Variants in NUMA1 observed in about 807,000 individuals in gnomAD.
NUMA1 encodes the protein nuclear mitotic apparatus protein 1, also known as SP-H antigen.
A neutral mutation model predicts 237.1 loss-of-function variants in NUMA1; 62 were observed. The observed-to-expected ratio is 0.26, with a 90% CI of 0.21 to 0.32. NUMA1 has a LOEUF of 0.32. Among genes scored for constraint, NUMA1 ranks in the 10% least tolerant of loss-of-function variants. The probability of loss-of-function intolerance (pLI) is 1.00; values close to 1 mark genes in which losing one functional copy is unlikely to be tolerated. For missense variants in NUMA1, 2,533 were observed against 2,666.5 expected (o/e 0.95, Z 1.10); for synonymous variants, 1,028 against 1,066.1 (o/e 0.96, Z 0.70).
chr11:72,019,540 G>C lies in NUMA1; in HGVS notation c.538C>G (p.Arg180Gly). 2.5e-6 allele frequency: 4 copies of C among 1,613,924 alleles called. No homozygotes were observed. The highest frequency in any genetic ancestry group is 1.7e-5 in the Admixed American group (1 of 60,014). ...PPSHQAKREI[R>G]FLELQKVASS... ...GCAACCTTCTGTAGCTCTAGGAAGC[G>C]AATCTCCCTCTTGGCCTGGTGGCTA... is the stretch of plus-strand genomic sequence containing the variant. The change falls in exon 9 of 27, where the codon CGC (arginine) becomes GGC (glycine). Residue 180 changes from arginine to glycine, a missense_variant. By Grantham distance (125) the Arg-to-Gly change is moderately radical (BLOSUM62 -2). Transcript: ENST00000393695.
rs776029655 is a variant in NUMA1 at position 72,006,294 on chromosome 11, A to G, written c.5464-31T>C. ...AGACAGAGTGAATCTGTTGCAGTGTACAGTCCCTGGCACTGTACAGAAGCT... is the reference window on the plus strand; with the variant it reads ...AGACAGAGTGAATCTGTTGCAGTGTGCAGTCCCTGGCACTGTACAGAAGCT... On this transcript the variant is annotated intron_variant, in intron 21 of 26. Transcript: ENST00000393695. The G allele has an allele frequency of 7.5e-6, 12 of 1,592,702 alleles. No homozygotes were observed. The South Asian group carries it at 1.3e-4, about 18-fold the overall frequency.
chr11:72,048,410 C>T (rs780844466), intron 2 of NUMA1, among the ~76,000 whole-genome samples: 1 of 152,076 alleles, frequency 6.6e-6, no homozygotes, highest in African/African-American at 2.4e-5. Context: ...TTTGCTTTGT[C>T]GCCCAGGCTG....
At chr11:72,026,975 C>T (rs1453933685) in intron 4 of NUMA1, among the ~76,000 whole-genome samples, 1 of 152,190 alleles carries the variant, frequency 6.6e-6, no homozygotes, top group Non-Finnish European at 1.5e-5. Flanking sequence ...GTTCAGGCAA[C>T]ACCCTAGAAG....
intron 24 of NUMA1, 40 bp from the exon 25 acceptor site, chr11:72,004,381 G>T (rs780122311): frequency 1.9e-6 from 3 of 1,561,270 alleles, no homozygotes; most frequent in Admixed American, 3.5e-5. Context: ...GTAGCAAGAG[G>T]AGTCACATCT....
rs1956114181 is a variant in NUMA1, at chr11:72,010,890, G to A, written c.4651-36C>T. 2.5e-6 allele frequency: 4 copies of A among 1,576,118 alleles called. No homozygotes were observed. The Admixed American group carries it at 5.0e-5, about 20-fold the overall frequency. On this transcript the variant is annotated intron_variant, in intron 16 of 26. Coordinates refer to ENST00000393695, the MANE Select transcript of NUMA1 (RefSeq NM_006185.4). Reference sequence around the variant, plus strand: ...AAGAGGAGGACAGAAGACTCAGGAGGACTTCCCCTGGATGTTCATCCTGGA... The same window carrying A: ...AAGAGGAGGACAGAAGACTCAGGAGAACTTCCCCTGGATGTTCATCCTGGA...
At position 72,019,404 on chromosome 11, in the gene NUMA1, G is replaced by A. The variant is rs567230493; in HGVS notation, c.584+90C>T. The A allele has an allele frequency of 7.2e-6, 11 of 1,521,568 alleles. No homozygotes were observed. In the African/African-American group the frequency reaches 1.2e-4, roughly 17 times the overall value. The allele number at this position is 1,521,568 out of a possible 1,614,324, so 94.3% of individuals were successfully genotyped here. On this transcript the variant is annotated intron_variant, in intron 9 of 26. Transcript: ENST00000393695. ...CCGGATACTCTAAGCACTCCCAGAG[G>A]CTGGTTAACATCTTAACTCTAGAAG... is the stretch of plus-strand genomic sequence containing the variant.
chr11:72,017,488 T>A, intron 13 of NUMA1, 199 bp downstream of exon 13: 1 of 585,484 alleles, frequency 1.7e-6, no homozygotes, highest in Non-Finnish European at 3.0e-6. Context: ...AGTGAGGGCA[T>A]TGACTGGGGA....
chr11:72,015,295 G>C lies in NUMA1; in HGVS notation c.2208C>G (p.Ile736Met). The C allele has an allele frequency of 6.2e-7, 1 of 1,613,610 alleles. No homozygotes were observed. The highest frequency in any genetic ancestry group is 2.2e-5 in the East Asian group (1 of 44,874). The stretch of plus-strand genomic sequence containing the variant: ...TTCGGGTCTCTGCCTTCAGCTCAGA[G>C]ATACAACGCTGCTGCTCTTCCAGGG... ...ADALEEQQRC[I>M]SELKAETRSL... Residue 736 changes from isoleucine (I) to methionine (M), a missense_variant, in exon 15 of 27, where the codon ATC (isoleucine) becomes ATG (methionine). Coordinates refer to ENST00000393695, the MANE Select transcript of NUMA1 (RefSeq NM_006185.4). This position sits in a 1 kb window ranked among gnomAD's most constrained non-coding sequence, Gnocchi z 4.0.
intron 13 of NUMA1, 161 bp from the exon 14 acceptor site, chr11:72,016,691 A>C (rs1245668256): frequency 2.5e-6 from 2 of 798,806 alleles, no homozygotes; most frequent in Non-Finnish European, 3.9e-6. Flanking sequence ...AACTGGGAGC[A>C]TGAGGGACCT....
intron 17 of NUMA1, 23 bp downstream of exon 17, chr11:72,010,763 A>AC: frequency 6.2e-7 from 1 of 1,610,794 alleles, no homozygotes; most frequent in Non-Finnish European, 8.5e-7. Context: ...CAGAGGCCAG[A>AC]CCCATTCCCC....
chr11:72,055,625 G>T (rs1942592264), intron 2 of NUMA1, among the ~76,000 whole-genome samples: 1 of 152,140 alleles, frequency 6.6e-6, no homozygotes, highest in African/African-American at 2.4e-5. Flanking sequence ...TCACCTTGTG[G>T]AAAGTCCTTG....
At chr11:72,005,628 G>C in intron 22 of NUMA1, 1 of 522,836 alleles carries the variant, frequency 1.9e-6, no homozygotes, top group Non-Finnish European at 3.3e-6. Flanking sequence ...ACCTGCCAAG[G>C]CTTGGTGGCC....
In NUMA1 at chr11:72,012,790, C is replaced by T. The variant is rs993383553; in HGVS notation, c.4608+105G>A. On this transcript the variant is annotated intron_variant, in intron 15 of 26. Coordinates refer to ENST00000393695, the MANE Select transcript of NUMA1 (RefSeq NM_006185.4). ...CTGCCACCCAGTGAATGAGGAAAGG[C>T]AAGACACTCCAGTGTAGGAGCTAGA... 2.3e-5 allele frequency: 34 copies of T among 1,473,254 alleles called. No homozygotes were observed. The African/African-American group carries it at 4.6e-4, about 20-fold the overall frequency. 91.3% of individuals were successfully genotyped at this position (1,473,254 alleles called of 1,614,324 possible).
At chr11:72,028,504 C>T (rs1405434328) in intron 4 of NUMA1, among the ~76,000 whole-genome samples, 2 of 149,248 alleles carry the variant, frequency 1.3e-5, no homozygotes, top group African/African-American at 5.0e-5. Context: ...ATGCTTGGTC[C>T]CAGAAAGGTA....
Position 72,022,367 on chromosome 11 carries a change from T to G in NUMA1, c.344A>C (p.Asp115Ala), listed in dbSNP as rs1277494500. 4.3e-6 allele frequency: 7 copies of G among 1,613,562 alleles called. No individual in the cohort carries two copies. The highest frequency in any genetic ancestry group is 3.3e-5 in the Admixed American group (2 of 59,982). ...AATTTTATATTCAAACTGTTCCCAG[T>G]CCCTGGGACTTTTGGAGCTCATGGT... ...HSTMSSKSPR[D>A]WEQFEYKIQA... Residue 115 changes from aspartate (D) to alanine (A), a missense_variant, in exon 7 of 27, where the codon GAC becomes GCC. Physicochemically the swap from Asp to Ala is moderately radical, Grantham distance 126. This residue lies in a region of NUMA1 where 1,414 missense variants were observed against 1,508.1 expected (regional missense o/e 0.94). Coordinates refer to ENST00000393695, the MANE Select transcript of NUMA1 (RefSeq NM_006185.4).
In NUMA1 at chr11:72,004,098, G is replaced by C; in HGVS notation, c.6125C>G (p.Ala2042Gly). 1 of 1,613,238 alleles carries C rather than the reference G, an allele frequency of 6.2e-7. No homozygotes were observed. The highest frequency in any genetic ancestry group is 1.7e-5 in the Admixed American group (1 of 59,814). ...GAAGGCCATCGACTGGCGCCGGTCA[G>C]CCTGCAAGGAAGGGCTGTCAGACCG... ...KKAAPASTKQ[A>G]DRRQSMAFSI... The change falls in exon 26 of 27, where the codon GCT (alanine) becomes GGT (glycine). Residue 2042 changes from alanine to glycine, a missense_variant and splice_region_variant. This residue lies in a region of NUMA1 where 795 missense variants were observed against 750.8 expected (regional missense o/e 1.06). Coordinates refer to ENST00000393695, the MANE Select transcript of NUMA1 (RefSeq NM_006185.4).
At chr11:72,036,652 A>G (rs1475594725) in intron 2 of NUMA1, among the ~76,000 whole-genome samples, 1 of 152,120 alleles carries the variant, frequency 6.6e-6, no homozygotes, top group Non-Finnish European at 1.5e-5. Context: ...CAAATGGGGG[A>G]TTGAGAATAT....
At chr11:72,031,183 C>T (rs1369773501) in intron 3 of NUMA1, among the ~76,000 whole-genome samples, 3 of 151,748 alleles carry the variant, frequency 2.0e-5, no homozygotes, top group Non-Finnish European at 4.4e-5. Context: ...GCCTGTAAGT[C>T]CTACCTACAT....
chr11:72,026,732 A>G (rs1436215883), intron 4 of NUMA1, among the ~76,000 whole-genome samples: 1 of 152,104 alleles, frequency 6.6e-6, no homozygotes, highest in Non-Finnish European at 1.5e-5. Flanking sequence ...CACAGCTTCT[A>G]TCTACCCTCC....
Sources: allele counts gnomAD v4.1 joint callset (sites outside exome capture counted in the v4.1 genomes callset), GRCh38; gene constraint gnomAD v4.1.1; regional missense constraint gnomAD v4.1.1; non-coding constraint Gnocchi (gnomAD v3.1); transcripts MANE v1.5; gene names NCBI Gene and HGNC (gene_info 2026-07-23, HGNC 2026-07-21).